Variants in LRRC37A2 observed in about 807,000 individuals in gnomAD.
LRRC37A2 encodes leucine-rich repeat-containing protein 37A2.
Under a neutral mutation model 68.8 loss-of-function variants are expected in LRRC37A2, and 9 were observed. The observed-to-expected ratio is 0.13, with a 90% CI of 0.08 to 0.23. LRRC37A2 has a LOEUF of 0.23. LRRC37A2 is among the 10% of genes least tolerant of loss of function. LRRC37A2 has a pLI of 1.00. For missense variants in LRRC37A2, 168 were observed against 950.4 expected, an observed-to-expected ratio of 0.18 and a Z score of 10.82; for synonymous variants, 63 against 367.6, an observed-to-expected ratio of 0.17 and a Z score of 9.48.
chr17:46,966,894 T>A, the LRRC37A2 span: 1 of 397,982 alleles, frequency 2.5e-6, no homozygotes, highest in African/African-American at 2.1e-5. Flanking sequence ...ATTAGCACCT[T>A]AAAGGGAAAT....
At chr17:46,931,960 T>C in the LRRC37A2 span, 1 of 919,924 alleles carries the variant, frequency 1.1e-6, no homozygotes, top group South Asian at 1.3e-5. Context: ...TGGGGTGGTG[T>C]AGGGAGAAGT....
chr17:46,815,083 C>A, the LRRC37A2 span, among the ~76,000 whole-genome samples: 4 of 152,014 alleles, frequency 2.6e-5, no homozygotes, highest in African/African-American at 7.3e-5. Flanking sequence ...AGCTCCTGAT[C>A]TCCAGCAGGC....
At chr17:47,021,899 G>C in the LRRC37A2 span, 1 of 1,527,338 alleles carries the variant, frequency 6.5e-7, no homozygotes, top group Non-Finnish European at 9.1e-7. Flanking sequence ...TGTATGGAAA[G>C]TGTACAGTTG....
At chr17:46,598,706 C>A in the LRRC37A2 span, among the ~76,000 whole-genome samples, 1 of 152,166 alleles carries the variant, frequency 6.6e-6, no homozygotes, top group Non-Finnish European at 1.5e-5. Context: ...CTTTTGTAGC[C>A]TTTGTTTAGA....
chr17:46,502,452 C>G, the LRRC37A2 span, among the ~76,000 whole-genome samples: 1 of 150,920 alleles, frequency 6.6e-6, no homozygotes, highest in Non-Finnish European at 1.5e-5. Flanking sequence ...TAGGTACCCA[C>G]CACCACGCCC....
chr17:46,786,799 C>G, the LRRC37A2 span, among the ~76,000 whole-genome samples: 2 of 152,168 alleles, frequency 1.3e-5, no homozygotes, highest in Non-Finnish European at 2.9e-5. Context: ...TACAGCTCCC[C>G]CTAAATGTCT....
At chr17:47,034,293 C>T in the LRRC37A2 span, among the ~76,000 whole-genome samples, 2 of 152,242 alleles carry the variant, frequency 1.3e-5, no homozygotes, top group Non-Finnish European at 2.9e-5. Flanking sequence ...CCAGTTCCCA[C>T]TCAGTCTCTC....
At chr17:46,846,068 G>T in the LRRC37A2 span, among the ~76,000 whole-genome samples, 1 of 152,110 alleles carries the variant, frequency 6.6e-6, no homozygotes, top group Non-Finnish European at 1.5e-5. Context: ...TGGGATTATA[G>T]GTGTGAACCA....
At chr17:46,972,831 G>A in the LRRC37A2 span, among the ~76,000 whole-genome samples, 1 of 152,104 alleles carries the variant, frequency 6.6e-6, no homozygotes, top group African/African-American at 2.4e-5. Context: ...CTCGAGGGCA[G>A]AGCCTGAGTT....
chr17:46,996,103 C>T, the LRRC37A2 span, among the ~76,000 whole-genome samples: 1 of 152,156 alleles, frequency 6.6e-6, no homozygotes, highest in East Asian at 1.9e-4. Flanking sequence ...CTGCTTCCCA[C>T]TTACCCCTGT....
chr17:46,922,463 C>T, the LRRC37A2 span, among the ~76,000 whole-genome samples: 3 of 151,842 alleles, frequency 2.0e-5, no homozygotes, highest in Non-Finnish European at 4.4e-5. Flanking sequence ...GCACATGTAC[C>T]CTAGAACTTA....
rs1166685177 is a variant in LRRC37A2 at position 46,548,546 on chromosome 17, C to CTAGGTTTAATTA, written c.3407_3408insTAGGTTTAATTA (p.Ser1136_Leu1137insArgPheAsnTer). The CTAGGTTTAATTA allele has an allele frequency of 2.0e-6, 3 of 1,469,380 alleles. No homozygotes were observed. Among genetic ancestry groups the CTAGGTTTAATTA allele is most frequent in the Non-Finnish European group, 2.8e-6 (3 of 1,084,296 alleles). The allele number at this position is 1,469,380 out of a possible 1,614,324, so 91.0% of individuals were successfully genotyped here. A position where few individuals can be genotyped will look rare whatever the true frequency, so the allele number is the denominator to read the frequency against. ...TCAGCGGTAAACCTAGATGTGAAAT[C>CTAGGTTTAATTA]ACTGTTACTACCGTTCATTAAACTG... On this transcript the variant is annotated stop_gained and inframe_insertion, in exon 10 of 15. Coordinates refer to ENST00000576629, the Ensembl canonical transcript of LRRC37A2. LOFTEE classifies it high-confidence loss of function.
the LRRC37A2 span, chr17:46,714,032 G>GT: frequency 6.4e-7 from 1 of 1,563,906 alleles, no homozygotes. Flanking sequence ...TCTTAAATGT[G>GT]TGTGTGTGTG....
the LRRC37A2 span, among the ~76,000 whole-genome samples, chr17:46,922,171 A>C: frequency 6.6e-6 from 1 of 152,250 alleles, no homozygotes; most frequent in African/African-American, 2.4e-5. Context: ...TGATGAGTTC[A>C]TGTCCTTTGT....
the LRRC37A2 span, chr17:46,929,886 C>T: frequency 3.4e-6 from 1 of 295,862 alleles, no homozygotes; most frequent in East Asian, 6.7e-5. Context: ...GAATGTACTC[C>T]ATAAAAATTC....
chr17:46,764,125 T>C, the LRRC37A2 span: 1 of 152,194 alleles, frequency 6.6e-6, no homozygotes, highest in Non-Finnish European at 1.5e-5. Flanking sequence ...CAAATTTGAA[T>C]GGGAGTGGAC....
chr17:46,976,718 T>A, the LRRC37A2 span, among the ~76,000 whole-genome samples: 1 of 151,624 alleles, frequency 6.6e-6, no homozygotes, highest in Non-Finnish European at 1.5e-5. Flanking sequence ...TGAAACCATT[T>A]TCTGGTCATT....
chr17:46,949,850 G>A, the LRRC37A2 span, among the ~76,000 whole-genome samples: 1 of 152,204 alleles, frequency 6.6e-6, no homozygotes, highest in Non-Finnish European at 1.5e-5. Flanking sequence ...TGTGGCTGGA[G>A]CTCAGGCTTC....
the LRRC37A2 span, among the ~76,000 whole-genome samples, chr17:46,969,522 T>C: frequency 9.2e-5 from 14 of 152,206 alleles, no homozygotes; most frequent in Admixed American, 3.3e-4. Context: ...TTCTTATGCC[T>C]GGAGACCCTA....
Sources: allele counts gnomAD v4.1 joint callset (sites outside exome capture counted in the v4.1 genomes callset), GRCh38; gene constraint gnomAD v4.1.1; transcripts MANE v1.5; gene names NCBI Gene and HGNC (gene_info 2026-07-23, HGNC 2026-07-21).